The following KAZN variants were observed in gnomAD, a reference collection of about 807,000 sequenced individuals.
The protein encoded by KAZN is kazrin, periplakin interacting protein.
Under a neutral mutation model 87.4 loss-of-function variants are expected in KAZN, and 40 were observed. That is an observed-to-expected ratio of 0.46 (90% CI 0.36 to 0.60). KAZN has a LOEUF of 0.60. Ranked by LOEUF, KAZN falls within the 20% of genes least tolerant of loss-of-function variation. KAZN has a pLI of 0.00. For missense variants in KAZN, 898 were observed against 1,073.9 expected (o/e 0.84, Z 2.29); for synonymous variants, 466 against 458.3 (o/e 1.02, Z -0.22).
intron 1 of KAZN, among the ~76,000 whole-genome samples, chr1:13,992,615 G>T (rs569597664): frequency 6.6e-6 from 1 of 152,196 alleles, no homozygotes; most frequent in Admixed American, 6.5e-5. Flanking sequence ...CCAGAATTCT[G>T]CCTCTTTATT....
At chr1:13,916,977 T>C (rs1029715669) in intron 1 of KAZN, among the ~76,000 whole-genome samples, 2 of 152,158 alleles carry the variant, frequency 1.3e-5, no homozygotes, top group African/African-American at 4.8e-5. Flanking sequence ...TGGAAGGATT[T>C]TGAACAAAGG....
At chr1:14,239,861 A>T (rs1046040991) in intron 2 of KAZN, among the ~76,000 whole-genome samples, 4 of 152,004 alleles carry the variant, frequency 2.6e-5, no homozygotes, top group African/African-American at 9.7e-5. Context: ...GTGGGAAGAG[A>T]TGGTGCTGCT....
intron 10 of KAZN, among the ~76,000 whole-genome samples, chr1:15,095,484 A>AC (rs913021462): frequency 7.7e-6 from 1 of 129,156 alleles, no homozygotes; most frequent in African/African-American, 2.9e-5. Context: ...CAGGCCACCC[A>AC]CCCCCACCGC....
At chr1:14,895,360 C>T (rs1290125530) in intron 1 of KAZN, among the ~76,000 whole-genome samples, 3 of 152,256 alleles carry the variant, frequency 2.0e-5, no homozygotes, top group African/African-American at 7.2e-5. Context: ...GCATAAGCAA[C>T]GTGCTTTCCT....
intron 1 of KAZN, among the ~76,000 whole-genome samples, chr1:14,619,072 G>T (rs35233872): frequency 0.012 from 1,759 of 152,266 alleles, 18 homozygotes; most frequent in Non-Finnish European, 0.019. Context: ...GAATTAATGG[G>T]GCATTGAGAT....
chr1:14,444,306 A>T (rs1418153270), intron 2 of KAZN, among the ~76,000 whole-genome samples: 50 of 95,204 alleles, frequency 5.3e-4, no homozygotes, highest in African/African-American at 1.5e-3. Context: ...TAAATTCATG[A>T]TTTTTTTTTT....
chr1:14,901,604 A>G (rs1655918076), intron 1 of KAZN, among the ~76,000 whole-genome samples: 1 of 152,276 alleles, frequency 6.6e-6, no homozygotes, highest in South Asian at 2.1e-4. Flanking sequence ...GGCAGCTCAG[A>G]CGAGGGTGGC....
At chr1:15,015,280 G>T (rs2102115849) in intron 2 of KAZN, among the ~76,000 whole-genome samples, 1 of 152,070 alleles carries the variant, frequency 6.6e-6, no homozygotes, top group South Asian at 2.1e-4. Context: ...AGCCTCCTGG[G>T]TAGCTGGGAT....
At chr1:14,886,056 T>G (rs1654012704) in intron 1 of KAZN, among the ~76,000 whole-genome samples, 1 of 151,642 alleles carries the variant, frequency 6.6e-6, no homozygotes, top group African/African-American at 2.4e-5. Context: ...TGGCAAGCCA[T>G]AAAGTCTCCA....
chr1:15,056,296 G>T lies in KAZN; in HGVS notation c.916+16G>T. The T allele has an allele frequency of 6.3e-7, 1 of 1,586,198 alleles. No individual in the cohort carries two copies. Among genetic ancestry groups the T allele is most frequent in the Non-Finnish European group, 8.6e-7 (1 of 1,159,272 alleles). On this transcript the variant is annotated intron_variant, in intron 5 of 14. Transcript: ENST00000376030. The surrounding 1 kb of genome is among the most constrained non-coding windows in gnomAD (Gnocchi z 5.4). The stretch of plus-strand genomic sequence containing the variant: ...GACCGGCAAGGTGAGTCCTGCCCTG[G>T]CCTGGCTCCACCACGGCTTCGAGGG...
intron 2 of KAZN, among the ~76,000 whole-genome samples, chr1:14,546,470 C>T (rs572881694): frequency 7.3e-5 from 11 of 151,642 alleles, no homozygotes; most frequent in African/African-American, 2.2e-4. Flanking sequence ...TGAGAGGTGC[C>T]AGAAGAAGAG....
intron 1 of KAZN, among the ~76,000 whole-genome samples, chr1:13,964,866 A>G (rs529567893): frequency 8.1e-4 from 124 of 152,332 alleles, no homozygotes; most frequent in African/African-American, 2.9e-3. Flanking sequence ...AGGTCGCAGC[A>G]TTAAACAGGC....
intron 1 of KAZN, among the ~76,000 whole-genome samples, chr1:13,990,339 A>T (rs540434494): frequency 6.6e-6 from 1 of 152,242 alleles, no homozygotes; most frequent in Non-Finnish European, 1.5e-5. Flanking sequence ...AAGACCATTC[A>T]GTAATAAAAG....
At chr1:14,801,945 A>T in intron 1 of KAZN, among the ~76,000 whole-genome samples, 1 of 151,740 alleles carries the variant, frequency 6.6e-6, no homozygotes, top group East Asian at 2.0e-4. Flanking sequence ...TGGCCTTCCA[A>T]AGTGCTGGGA....
intron 2 of KAZN, among the ~76,000 whole-genome samples, chr1:14,577,341 T>C (rs1278956973): frequency 1.3e-5 from 2 of 152,174 alleles, no homozygotes; most frequent in Non-Finnish European, 2.9e-5. Context: ...ATCTACGGGC[T>C]CATTGGATTG....
At chr1:14,814,323 T>G (rs1646502576) in intron 1 of KAZN, among the ~76,000 whole-genome samples, 1 of 151,916 alleles carries the variant, frequency 6.6e-6, no homozygotes, top group African/African-American at 2.4e-5. Flanking sequence ...GCCCCCCGGG[T>G]TCAAGTGATT....
At chr1:14,433,086 T>A (rs1017080839) in intron 2 of KAZN, among the ~76,000 whole-genome samples, 2 of 152,178 alleles carry the variant, frequency 1.3e-5, no homozygotes, top group Non-Finnish European at 2.9e-5. Context: ...CATATTTATT[T>A]TTAATGCTGG....
chr1:14,957,355 T>C (rs1028388225), intron 1 of KAZN, among the ~76,000 whole-genome samples: 2 of 152,226 alleles, frequency 1.3e-5, no homozygotes, highest in African/African-American at 4.8e-5. Context: ...GTGCATGGTA[T>C]GAGGCAGGGG....
At chr1:14,165,031 G>A (rs572067735) in intron 1 of KAZN, among the ~76,000 whole-genome samples, 3 of 148,716 alleles carry the variant, frequency 2.0e-5, no homozygotes, top group East Asian at 3.9e-4. Context: ...GTCAAATTAC[G>A]GCAAAAGGAT....
Sources: allele counts gnomAD v4.1 joint callset (sites outside exome capture counted in the v4.1 genomes callset), GRCh38; gene constraint gnomAD v4.1.1; non-coding constraint Gnocchi (gnomAD v3.1); transcripts MANE v1.5; gene names NCBI Gene and HGNC (gene_info 2026-07-23, HGNC 2026-07-21).